The following KAZN variants were observed in gnomAD, a reference collection of about 807,000 sequenced individuals.
The protein encoded by KAZN is kazrin, periplakin interacting protein, also known as kazrin.
In KAZN, 40 loss-of-function variants were observed where a neutral mutation model predicts 87.4. The ratio of observed to expected loss-of-function variants is 0.46; its 90% CI spans 0.36 to 0.60. The LOEUF is 0.60. KAZN is among the 20% of genes least tolerant of loss of function. The pLI is 0.00. For synonymous variants in KAZN, 466 were observed against 458.3 expected, an observed-to-expected ratio of 1.02 and a Z score of -0.22; for missense variants, 898 against 1,073.9, an observed-to-expected ratio of 0.84 and a Z score of 2.29.
At chr1:14,486,374 G>A (rs1669351885) in intron 2 of KAZN, among the ~76,000 whole-genome samples, 1 of 152,108 alleles carries the variant, frequency 6.6e-6, no homozygotes, top group South Asian at 2.1e-4. Flanking sequence ...TGTATGTTGT[G>A]GGATGCTTAA....
At chr1:14,195,511 T>TCA (rs55792359) in intron 2 of KAZN, among the ~76,000 whole-genome samples, 6,993 of 145,882 alleles carry the variant, frequency 0.048, 201 homozygotes, top group East Asian at 0.081. Context: ...CAAAAACGGC[T>TCA]CACACACACA....
intron 2 of KAZN, among the ~76,000 whole-genome samples, chr1:14,545,023 C>T (rs1409717273): frequency 2.0e-5 from 3 of 152,146 alleles, no homozygotes; most frequent in Non-Finnish European, 4.4e-5. Flanking sequence ...AGTGGTGTCA[C>T]CTAAACCTGG....
intron 2 of KAZN, among the ~76,000 whole-genome samples, chr1:14,330,004 G>A (rs72867350): frequency 1.3e-5 from 2 of 152,182 alleles, no homozygotes; most frequent in African/African-American, 2.4e-5. Flanking sequence ...TGAGGATAGG[G>A]TATTGCCAAT....
chr1:14,283,957 T>C (rs1470085878), intron 2 of KAZN, among the ~76,000 whole-genome samples: 1 of 152,170 alleles, frequency 6.6e-6, no homozygotes, highest in Non-Finnish European at 1.5e-5. Context: ...CCCTACAATG[T>C]GGATGAGCCT....
chr1:15,092,202 G>T (rs781222166), intron 8 of KAZN, among the ~76,000 whole-genome samples: 4 of 149,844 alleles, frequency 2.7e-5, no homozygotes, highest in African/African-American at 9.9e-5. Flanking sequence ...TCAGCCTCCC[G>T]AGTAGCTGGG....
intron 2 of KAZN, among the ~76,000 whole-genome samples, chr1:14,420,670 G>A (rs1665341324): frequency 6.6e-6 from 1 of 152,210 alleles, no homozygotes; most frequent in Admixed American, 6.5e-5. Context: ...TTGAGGCCTG[G>A]CGAGAATTCG....
chr1:14,158,856 C>T (rs1218305098), intron 1 of KAZN, among the ~76,000 whole-genome samples: 1 of 152,206 alleles, frequency 6.6e-6, no homozygotes, highest in African/African-American at 2.4e-5. Flanking sequence ...CTTATGGACT[C>T]ATAGAGGTAC....
chr1:14,530,637 G>A (rs189724650), intron 2 of KAZN, among the ~76,000 whole-genome samples: 11 of 151,800 alleles, frequency 7.2e-5, no homozygotes, highest in East Asian at 1.9e-4. Context: ...TCTCTCTCTC[G>A]CTCCCTTTCT....
At chr1:14,612,315 C>A (rs527689639) in intron 1 of KAZN, among the ~76,000 whole-genome samples, 5 of 152,308 alleles carry the variant, frequency 3.3e-5, no homozygotes, top group African/African-American at 1.2e-4. Context: ...CGCGCTCTAA[C>A]CCCTGAGCTG....
intron 2 of KAZN, among the ~76,000 whole-genome samples, chr1:14,369,166 T>C (rs1374309260): frequency 6.6e-6 from 1 of 152,124 alleles, no homozygotes; most frequent in East Asian, 1.9e-4. Context: ...AAATGCAAAA[T>C]AAGAGATCCT....
intron 2 of KAZN, among the ~76,000 whole-genome samples, chr1:14,258,221 T>TC (rs1443082272): frequency 1.4e-4 from 21 of 146,740 alleles, no homozygotes; most frequent in South Asian, 2.2e-4. Context: ...TTTCTTTCTT[T>TC]TTTTTTTTTT....
chr1:14,776,917 G>A, intron 1 of KAZN, among the ~76,000 whole-genome samples: 1 of 131,656 alleles, frequency 7.6e-6, no homozygotes, highest in Non-Finnish European at 1.5e-5. Flanking sequence ...CTGAGCAACT[G>A]AGCAATACCC....
chr1:15,105,669 A>G (rs1641271061), intron 13 of KAZN, among the ~76,000 whole-genome samples: 1 of 152,060 alleles, frequency 6.6e-6, no homozygotes, highest in East Asian at 1.9e-4. Context: ...CCCCTAAACC[A>G]CATGGATCCT....
chr1:14,356,341 A>T (rs547185846), intron 2 of KAZN, among the ~76,000 whole-genome samples: 2 of 151,986 alleles, frequency 1.3e-5, no homozygotes, highest in Admixed American at 6.6e-5. Flanking sequence ...TGTCAGATTG[A>T]TAGGTTGTAA....
intron 1 of KAZN, among the ~76,000 whole-genome samples, chr1:14,749,370 C>A (rs1487642358): frequency 6.6e-6 from 1 of 152,208 alleles, no homozygotes; most frequent in East Asian, 1.9e-4. Context: ...TTTTAAAATT[C>A]TGCATCAGTT....
At chr1:14,907,885 T>C (rs1020803927) in intron 1 of KAZN, among the ~76,000 whole-genome samples, 2 of 152,144 alleles carry the variant, frequency 1.3e-5, no homozygotes, top group African/African-American at 4.8e-5. Flanking sequence ...CCAGAGCCCA[T>C]GAGCCCACGA....
At chr1:14,262,994 A>G (rs1015415202) in intron 2 of KAZN, among the ~76,000 whole-genome samples, 1 of 152,210 alleles carries the variant, frequency 6.6e-6, no homozygotes, top group Non-Finnish European at 1.5e-5. Context: ...TTCTAAGTCA[A>G]ATCATGTGGC....
At chr1:14,706,023 C>T (rs1642190915) in intron 1 of KAZN, among the ~76,000 whole-genome samples, 1 of 152,108 alleles carries the variant, frequency 6.6e-6, no homozygotes, top group South Asian at 2.1e-4. Flanking sequence ...TGAGCTCCGC[C>T]TCCTGGAGCT....
intron 1 of KAZN, among the ~76,000 whole-genome samples, chr1:14,681,736 G>C (rs1166707593): frequency 8.1e-6 from 1 of 123,472 alleles, no homozygotes; most frequent in Non-Finnish European, 1.6e-5. Flanking sequence ...GAGTGCAGTG[G>C]CGCAATCTTG....
Sources: gnomAD v4.1 joint callset for allele counts (sites outside exome capture counted in the v4.1 genomes callset) on GRCh38, gnomAD v4.1.1 for gene constraint, MANE v1.5 for transcripts, NCBI Gene and HGNC (gene_info 2026-07-23, HGNC 2026-07-21) for gene names.